Variants in SDHD observed in about 807,000 individuals in gnomAD.
The protein encoded by SDHD is succinate dehydrogenase [ubiquinone] cytochrome b small subunit, mitochondrial.
In SDHD, 6 loss-of-function variants were observed where a neutral mutation model predicts 18.7. The ratio of observed to expected loss-of-function variants is 0.32; its 90% confidence interval spans 0.18 to 0.63. The LOEUF (loss-of-function observed/expected upper bound fraction) is 0.63, where lower values mean the gene tolerates loss of function less well. Ranked by LOEUF, SDHD falls within the 30% of genes least tolerant of loss-of-function variation. SDHD has a pLI of 0.79. For synonymous variants in SDHD, 56 were observed against 73.9 expected (o/e 0.76, Z 1.24); for missense variants, 160 against 192.7 (o/e 0.83, Z 1.00).
intron 3 of SDHD, chr11:112,091,050 G>A (rs1162120177): frequency 1.1e-6 from 1 of 940,266 alleles, no homozygotes; most frequent in Non-Finnish European, 1.3e-6. Flanking sequence ...ATGAGTTGTT[G>A]TTGTTGATGT....
Position 112,088,726 on chromosome 11 carries a change from T to C in SDHD, c.170-141T>C, listed in dbSNP as rs534062584. ...GAGATAGCTTCTCTCAACTACTATT[T>C]TGATATTTTACTTCCTTTGTACTCA... is the stretch of plus-strand genomic sequence containing the variant. On this transcript the variant is annotated intron_variant, in intron 2 of 3. Coordinates refer to ENST00000375549, the MANE Select transcript of SDHD (RefSeq NM_003002.4). 5 of 941,060 alleles carry C rather than the reference T, an allele frequency of 5.3e-6. No homozygotes were observed. In the South Asian group the frequency reaches 6.7e-5, roughly 13 times the overall value. 58.3% of individuals were successfully genotyped at this position (941,060 alleles called of 1,614,324 possible). A position where few individuals can be genotyped will look rare whatever the true frequency, so the allele number is the denominator to read the frequency against.
Position 112,094,844 on chromosome 11 carries a change from T to G in SDHD, c.354T>G (p.Asp118Glu), listed in dbSNP as rs911663426. The G allele has an allele frequency of 1.2e-6, 2 of 1,612,080 alleles. No homozygotes were observed. Among genetic ancestry groups the G allele is most frequent in the East Asian group, 4.5e-5 (2 of 44,896 alleles). ...TTGTTACTGACTATGTTCATGGGGA[T>G]GCCTTGCAGAAAGCTGCCAAGGCAG... is the stretch of plus-strand genomic sequence containing the variant. ...GQVVTDYVHG[D>E]ALQKAAKAGL... The change falls in exon 4 of 4, where the codon GAT (aspartate) becomes GAG (glutamate). Residue 118 changes from aspartate (D) to glutamate (E), a missense_variant. Physicochemically the swap from Asp to Glu is conservative, Grantham distance 45. Transcript: ENST00000375549.
chr11:112,095,361 C>T lies in SDHD; in HGVS notation c.*391C>T. 3.2e-6 allele frequency: 1 copy of T among 311,850 alleles called. No individual in the cohort carries two copies. The highest frequency in any genetic ancestry group is 4.8e-5 in the East Asian group (1 of 20,706). The allele number at this position is 311,850 out of a possible 1,614,324, so 19.3% of individuals were successfully genotyped here. A position where few individuals can be genotyped will look rare whatever the true frequency, so the allele number is the denominator to read the frequency against. ...GGAATAATGGACAAAGGGAAATACT[C>T]TTAATTCATGAATAAAAACTTTGCA... is the stretch of plus-strand genomic sequence containing the variant. On this transcript the variant is annotated 3_prime_UTR_variant, in exon 4 of 4. Transcript: ENST00000375549.
rs183601027 is a variant in SDHD at position 112,090,271 on chromosome 11, G to A, written c.314+1260G>A. On this transcript the variant is annotated intron_variant, in intron 3 of 3. Transcript: ENST00000375549. ...TTACAGGCGTGCACCACCACATCCG[G>A]CTAATTTTTTTGTATTTTTAGTAGA... Among the ~76,000 whole-genome samples the A allele has an allele frequency of 3.3e-3, 502 of 152,224 alleles. 4 individuals are homozygous for A. The highest frequency in any genetic ancestry group is 0.011 in the African/African-American group (453 of 41,530).
chr11:112,087,090 C>A, intron 1 of SDHD, 131 bp downstream of exon 1: 1 of 1,024,870 alleles, frequency 9.8e-7, no homozygotes, highest in Non-Finnish European at 1.5e-6. Flanking sequence ...GCAATGACCA[C>A]TGTAGTCTAG....
At chr11:112,090,040 A>G (rs1865715159) in intron 3 of SDHD, among the ~76,000 whole-genome samples, 2 of 152,184 alleles carry the variant, frequency 1.3e-5, no homozygotes, top group Admixed American at 6.5e-5. Flanking sequence ...ACTCTCTGGT[A>G]CGTGACATAT....
In SDHD at chr11:112,093,109, G is replaced by C. The variant is rs759717783; in HGVS notation, c.315-1696G>C. ...GAGTGCAATGGTGCGATCTTGGCTC[G>C]GCACGATCTCGGCTCAGCACGATCT... On this transcript the variant is annotated intron_variant, in intron 3 of 3. Transcript: ENST00000375549. 1.1e-5 allele frequency: 4 copies of C among 359,890 alleles called. No individual in the cohort carries two copies. The highest frequency in any genetic ancestry group is 9.4e-5 in the African/African-American group (4 of 42,776). 22.3% of individuals were successfully genotyped at this position (359,890 alleles called of 1,614,324 possible).
intron 1 of SDHD, among the ~76,000 whole-genome samples, 177 bp from the exon 2 acceptor site, chr11:112,087,680 G>T (rs1366793952): frequency 6.6e-6 from 1 of 152,208 alleles, no homozygotes; most frequent in East Asian, 1.9e-4. Flanking sequence ...GGAACATGCA[G>T]ATGTTCCCTG....
intron 3 of SDHD, among the ~76,000 whole-genome samples, chr11:112,091,428 CT>C (rs1380823051): frequency 6.6e-6 from 1 of 152,170 alleles, no homozygotes; most frequent in Non-Finnish European, 1.5e-5. Context: ...CTGCCAGATC[CT>C]TCTCCTCTTG....
chr11:112,086,950 G>A lies in SDHD; in HGVS notation c.43G>A (p.Gly15Arg), dbSNP rs1476121898. ...WRLSAVCGAL[G>R]GRALLLRTPV... The stretch of plus-strand genomic sequence containing the variant: ...GCTGAGTGCCGTTTGCGGTGCCCTA[G>A]GAGGCCGAGGTGAGGGGTCTTCCCA... The change falls in exon 1 of 4, where the codon GGA (glycine) becomes AGA (arginine). Residue 15 changes from glycine (G) to arginine (R), a missense_variant. Physicochemically the swap from Gly to Arg is moderately radical, Grantham distance 125. Coordinates refer to ENST00000375549, the MANE Select transcript of SDHD (RefSeq NM_003002.4). 1.2e-6 allele frequency: 2 copies of A among 1,614,146 alleles called. No individual in the cohort carries two copies. The highest frequency in any genetic ancestry group is 1.7e-6 in the Non-Finnish European group (2 of 1,180,014).
chr11:112,092,276 G>T (rs975592635), intron 3 of SDHD, among the ~76,000 whole-genome samples: 13 of 151,440 alleles, frequency 8.6e-5, no homozygotes, highest in African/African-American at 2.7e-4. Context: ...AAGGAAAATG[G>T]ACATTATTAG....
chr11:112,092,120 A>G (rs534909704), intron 3 of SDHD, among the ~76,000 whole-genome samples: 3 of 152,258 alleles, frequency 2.0e-5, no homozygotes, highest in African/African-American at 4.8e-5. Context: ...GAGCACTAGG[A>G]TAAATACCTA....
At chr11:112,089,155 C>T in intron 3 of SDHD, 144 bp downstream of exon 3, 1 of 772,100 alleles carries the variant, frequency 1.3e-6, no homozygotes, top group East Asian at 2.7e-5. Context: ...ATGTATATGC[C>T]TAGATTTATA....
intron 1 of SDHD, among the ~76,000 whole-genome samples, chr11:112,087,395 G>T (rs1865634747): frequency 6.6e-6 from 1 of 152,158 alleles, no homozygotes; most frequent in African/African-American, 2.4e-5. Context: ...TGTTACCTCA[G>T]GTACTGTAGT....
At chr11:112,086,993 T>C (rs2135265057) in intron 1 of SDHD, 34 bp downstream of exon 1, 1 of 1,612,660 alleles carries the variant, frequency 6.2e-7, no homozygotes, top group East Asian at 2.2e-5. Context: ...GTGCTTAGCG[T>C]AGCCTCCAGC....
intron 3 of SDHD, among the ~76,000 whole-genome samples, chr11:112,094,544 G>A (rs1162155545): frequency 1.3e-5 from 2 of 152,214 alleles, no homozygotes; most frequent in Non-Finnish European, 2.9e-5. Flanking sequence ...AGTGAGCTAT[G>A]ATCAGGCCAC....
intron 3 of SDHD, among the ~76,000 whole-genome samples, chr11:112,090,720 C>T (rs575871001): frequency 2.0e-5 from 3 of 150,012 alleles, no homozygotes; most frequent in South Asian, 2.1e-4. Context: ...TTTTTTGGGA[C>T]GGAGTCTCAC....
At chr11:112,090,186 C>T (rs1269490809) in intron 3 of SDHD, among the ~76,000 whole-genome samples, 2 of 152,202 alleles carry the variant, frequency 1.3e-5, no homozygotes, top group African/African-American at 4.8e-5. Context: ...CAGCTCACCA[C>T]AACCTCCGCC....
At chr11:112,088,635 T>C in intron 2 of SDHD, 1 of 590,634 alleles carries the variant, frequency 1.7e-6, no homozygotes, top group South Asian at 1.9e-5. Context: ...CTAATCAATA[T>C]GTAGGCATTG....
Sources: gnomAD v4.1 joint callset for allele counts (sites outside exome capture counted in the v4.1 genomes callset) on GRCh38, gnomAD v4.1.1 for gene constraint, MANE v1.5 for transcripts, NCBI Gene and HGNC (gene_info 2026-07-23, HGNC 2026-07-21) for gene names.